The following CAMKMT variants were observed in gnomAD, a reference collection of about 807,000 sequenced individuals.
CAMKMT encodes calmodulin-lysine N-methyltransferase.
Under a neutral mutation model 48.0 loss-of-function variants are expected in CAMKMT, and 53 were observed. That is an observed-to-expected ratio of 1.10 (90% CI 0.89 to 1.39). The LOEUF is 1.39. CAMKMT is among the 40% of genes most tolerant of loss of function. The pLI is 0.00. For missense variants in CAMKMT, 428 were observed against 402.7 expected (o/e 1.06, Z -0.54); for synonymous variants, 165 against 152.3 (o/e 1.08, Z -0.61).
intron 4 of CAMKMT, chr2:44,705,322 T>C: frequency 1.0e-6 from 1 of 985,184 alleles, no homozygotes. Flanking sequence ...CTTGAGGTAA[T>C]AAACTTCCCA....
intron 3 of CAMKMT, among the ~76,000 whole-genome samples, chr2:44,655,516 G>C (rs1182809382): frequency 6.6e-6 from 1 of 152,142 alleles, no homozygotes; most frequent in Non-Finnish European, 1.5e-5. Context: ...AAACAATAAT[G>C]TGTTGTCTTT....
chr2:44,658,828 G>A (rs1674516694), intron 3 of CAMKMT, among the ~76,000 whole-genome samples: 1 of 152,210 alleles, frequency 6.6e-6, no homozygotes, highest in South Asian at 2.1e-4. Context: ...TCCTTCCAGT[G>A]GGAGCCATTT....
At chr2:44,424,345 T>G (rs1684124363) in intron 3 of CAMKMT, among the ~76,000 whole-genome samples, 1 of 152,050 alleles carries the variant, frequency 6.6e-6, no homozygotes, top group Non-Finnish European at 1.5e-5. Flanking sequence ...CTCCCCAAAG[T>G]AAAGATTCCT....
intron 3 of CAMKMT, among the ~76,000 whole-genome samples, chr2:44,703,496 G>C (rs1573116190): frequency 6.6e-6 from 1 of 152,004 alleles, no homozygotes; most frequent in Non-Finnish European, 1.5e-5. Context: ...AGACATAATT[G>C]TGGCCAGGCA....
chr2:44,365,566 C>A (rs1337463081), intron 1 of CAMKMT, among the ~76,000 whole-genome samples: 3 of 152,140 alleles, frequency 2.0e-5, no homozygotes, highest in Admixed American at 6.5e-5. Flanking sequence ...AGCTAGTAAT[C>A]CAGAAGAAAT....
chr2:44,497,228 C>G (rs988532383), intron 3 of CAMKMT, among the ~76,000 whole-genome samples: 1 of 152,110 alleles, frequency 6.6e-6, no homozygotes, highest in South Asian at 2.1e-4. Context: ...AACTACACAT[C>G]GCTGTTTCAC....
chr2:44,594,627 G>A (rs1670538863), intron 3 of CAMKMT, among the ~76,000 whole-genome samples: 1 of 152,116 alleles, frequency 6.6e-6, no homozygotes, highest in Non-Finnish European at 1.5e-5. Flanking sequence ...AGCTGAAACT[G>A]GATCCCTTCC....
intron 3 of CAMKMT, among the ~76,000 whole-genome samples, chr2:44,648,302 G>C (rs1378629262): frequency 6.6e-6 from 1 of 152,182 alleles, no homozygotes; most frequent in East Asian, 1.9e-4. Flanking sequence ...GAGGACTGGA[G>C]TTTGGTGGTG....
At chr2:44,769,882 G>A (rs1217385002) in intron 10 of CAMKMT, among the ~76,000 whole-genome samples, 2 of 152,182 alleles carry the variant, frequency 1.3e-5, no homozygotes, top group Non-Finnish European at 2.9e-5. Context: ...AGGGTAAACA[G>A]TCTGAACTCC....
In CAMKMT at chr2:44,766,354, A is replaced by G. The variant is rs1047273707; in HGVS notation, c.763-76A>G. 1.5e-5 allele frequency: 23 copies of G among 1,546,748 alleles called. No homozygotes were observed. In the Admixed American group the frequency reaches 3.3e-4, roughly 22 times the overall value. ...TTTCTACTTGAGAGCAGTACATTAA[A>G]TGCTTTGACCAATGTCTGTTATGTT... is the stretch of plus-strand genomic sequence containing the variant. On this transcript the variant is annotated intron_variant, in intron 9 of 10. Transcript: ENST00000378494.
chr2:44,462,899 G>T (rs749624782), intron 3 of CAMKMT, among the ~76,000 whole-genome samples: 35 of 152,146 alleles, frequency 2.3e-4, no homozygotes, highest in Non-Finnish European at 4.4e-5. Flanking sequence ...TCTGAGTTTT[G>T]CTGATTGCAT....
chr2:44,476,576 T>G (rs1668699907), intron 3 of CAMKMT, among the ~76,000 whole-genome samples: 1 of 152,038 alleles, frequency 6.6e-6, no homozygotes, highest in Non-Finnish European at 1.5e-5. Flanking sequence ...TGTAAAGGTG[T>G]TTTTACACTG....
chr2:44,696,173 C>T (rs1279351246), intron 3 of CAMKMT, among the ~76,000 whole-genome samples: 1 of 152,038 alleles, frequency 6.6e-6, no homozygotes, highest in Non-Finnish European at 1.5e-5. Flanking sequence ...GAACTCCTGA[C>T]CTTAAGTGAT....
At chr2:44,654,721 GC>G (rs1252144803) in intron 3 of CAMKMT, among the ~76,000 whole-genome samples, 1 of 152,124 alleles carries the variant, frequency 6.6e-6, no homozygotes, top group Admixed American at 6.5e-5. Flanking sequence ...CGCCATGTTG[GC>G]CAGATTGGTC....
At chr2:44,633,800 A>C (rs928280142) in intron 3 of CAMKMT, among the ~76,000 whole-genome samples, 1 of 152,038 alleles carries the variant, frequency 6.6e-6, no homozygotes. Flanking sequence ...TTAAACATCT[A>C]GTAAGTTTTT....
chr2:44,595,602 A>G (rs1026220508), intron 3 of CAMKMT, among the ~76,000 whole-genome samples: 11 of 152,234 alleles, frequency 7.2e-5, no homozygotes, highest in Admixed American at 3.3e-4. Flanking sequence ...TGCTATCCCC[A>G]TGAAGCTACC....
At chr2:44,440,964 C>G (rs938332473) in intron 3 of CAMKMT, among the ~76,000 whole-genome samples, 1 of 152,122 alleles carries the variant, frequency 6.6e-6, no homozygotes, top group Non-Finnish European at 1.5e-5. Flanking sequence ...TTGGAATTAG[C>G]CTTGCCACCC....
Position 44,372,735 on chromosome 2 carries a change from T to G in CAMKMT, c.158T>G (p.Leu53Arg), listed in dbSNP as rs1679303880. The change falls in exon 2 of 11, where the codon CTG becomes CGG. Residue 53 changes from leucine to arginine, a missense_variant. Leu to Arg is a moderately radical substitution (Grantham distance 102, BLOSUM62 -2). Transcript: ENST00000378494. ...TCAAAGGTTCTGAAGCAAAAACACC[T>G]GGATGATTGCCTGCGACATGTATCT... is the stretch of plus-strand genomic sequence containing the variant. ...LLRQVLKQKH[L>R]DDCLRHVSVR... 6.2e-7 allele frequency: 1 copy of G among 1,612,868 alleles called. No individual in the cohort carries two copies. The highest frequency in any genetic ancestry group is 1.3e-5 in the African/African-American group (1 of 74,838).
At chr2:44,374,410 G>A (rs990968557) in intron 2 of CAMKMT, among the ~76,000 whole-genome samples, 1 of 152,188 alleles carries the variant, frequency 6.6e-6, no homozygotes, top group Non-Finnish European at 1.5e-5. Flanking sequence ...ACATTTAGAA[G>A]GAAATGAAAG....
Sources: gnomAD v4.1 joint callset for allele counts (sites outside exome capture counted in the v4.1 genomes callset) on GRCh38, gnomAD v4.1.1 for gene constraint, MANE v1.5 for transcripts, NCBI Gene and HGNC (gene_info 2026-07-23, HGNC 2026-07-21) for gene names.